Variants in COL4A2 observed in about 807,000 individuals in gnomAD.
COL4A2 encodes collagen type IV alpha 2 chain.
A neutral mutation model predicts 200.2 loss-of-function variants in COL4A2; 99 were observed. The observed-to-expected ratio is 0.49, with a 90% CI of 0.42 to 0.58. The LOEUF (loss-of-function observed/expected upper bound fraction) is 0.58. COL4A2 is among the 20% of genes least tolerant of loss of function. The pLI is 0.00. For synonymous variants in COL4A2, 897 were observed against 900.6 expected (o/e 1.00, Z 0.07); for missense variants, 1,950 against 2,314.1 (o/e 0.84, Z 3.23).
intron 4 of COL4A2, among the ~76,000 whole-genome samples, chr13:110,364,010 G>C (rs2139394958): frequency 6.6e-6 from 1 of 152,314 alleles, no homozygotes. Flanking sequence ...CTCTGTCTTA[G>C]TTCTTTGAAG....
chr13:110,437,903 G>C (rs1159853250), intron 13 of COL4A2, 99 bp from the exon 14 acceptor site: 2 of 951,812 alleles, frequency 2.1e-6, no homozygotes, highest in African/African-American at 3.3e-5. Context: ...TGTGAGGATT[G>C]ATTCAGTACT....
At chr13:110,472,259 GCA>G (rs879499481) in intron 28 of COL4A2, among the ~76,000 whole-genome samples, 43,220 of 151,778 alleles carry the variant, frequency 0.28, 7,096 homozygotes, top group East Asian at 0.41. Flanking sequence ...GGGACTACAG[GCA>G]TCCGCCACCA....
chr13:110,471,003 A>G (rs1348281368), intron 28 of COL4A2, among the ~76,000 whole-genome samples: 11 of 152,096 alleles, frequency 7.2e-5, no homozygotes, highest in Admixed American at 7.2e-4. Context: ...GGAAGTCTCC[A>G]TGCCTCTGCC....
intron 4 of COL4A2, among the ~76,000 whole-genome samples, chr13:110,410,896 G>C (rs1004658175): frequency 7.2e-5 from 11 of 152,142 alleles, no homozygotes; most frequent in African/African-American, 2.7e-4. Flanking sequence ...CTTCTTGACT[G>C]CACGGGGCTC....
At chr13:110,330,611 GTGTCCGA>G (rs1875862689) in intron 3 of COL4A2, among the ~76,000 whole-genome samples, 1 of 152,164 alleles carries the variant, frequency 6.6e-6, no homozygotes, top group Non-Finnish European at 1.5e-5. Context: ...GTTTTTCCAA[GTGTCCGA>G]TGTCTGTCTA....
intron 4 of COL4A2, among the ~76,000 whole-genome samples, chr13:110,404,351 A>G (rs996609360): frequency 2.6e-4 from 40 of 152,206 alleles, no homozygotes; most frequent in African/African-American, 9.4e-4. Flanking sequence ...AATATATTGC[A>G]ATCATTCATA....
intron 31 of COL4A2, among the ~76,000 whole-genome samples, chr13:110,481,617 C>CTT (rs1882922302): frequency 8.5e-6 from 1 of 118,094 alleles, no homozygotes. Flanking sequence ...CTGTTCTGTC[C>CTT]CTCCGTTGCT....
intron 3 of COL4A2, among the ~76,000 whole-genome samples, chr13:110,317,286 A>G (rs1030338853): frequency 2.6e-4 from 39 of 152,098 alleles, no homozygotes; most frequent in African/African-American, 8.9e-4. Context: ...ACAGATGCAC[A>G]CACACACGCA....
chr13:110,455,319 T>C (rs1359508955), intron 20 of COL4A2, among the ~76,000 whole-genome samples: 1 of 152,152 alleles, frequency 6.6e-6, no homozygotes. Context: ...TTTCAGGGCC[T>C]TTTAGAAACC....
intron 3 of COL4A2, among the ~76,000 whole-genome samples, chr13:110,357,033 G>A (rs1877304079): frequency 1.3e-5 from 2 of 152,138 alleles, no homozygotes; most frequent in Non-Finnish European, 2.9e-5. Context: ...CAAAGTGCTG[G>A]GATTCCAGGC....
At chr13:110,359,481 C>A (rs1014371284) in intron 4 of COL4A2, among the ~76,000 whole-genome samples, 1 of 152,200 alleles carries the variant, frequency 6.6e-6, no homozygotes, top group Non-Finnish European at 1.5e-5. Context: ...CTTCGTTTGG[C>A]AAATGCCAGG....
Position 110,330,654 on chromosome 13 carries a change from G to C in COL4A2, c.99+22531G>C, listed in dbSNP as rs374131991. 5.3e-5 allele frequency among the ~76,000 whole-genome samples: 8 copies of C among 152,190 alleles called. No individual in the cohort carries two copies. In the South Asian group the frequency reaches 8.3e-4, roughly 16 times the overall value. ...CCTCTCCTCTTGGAAACGCTTCTCC[G>C]ATCCGCAGGGCACGATGGGGTCCCC... On this transcript the variant is annotated intron_variant, in intron 3 of 47. Coordinates refer to ENST00000360467, the MANE Select transcript of COL4A2 (RefSeq NM_001846.4).
intron 4 of COL4A2, among the ~76,000 whole-genome samples, chr13:110,399,963 G>T (rs777061950): frequency 1.6e-4 from 24 of 152,292 alleles, no homozygotes; most frequent in Non-Finnish European, 2.1e-4. Context: ...AAGGCCAAGA[G>T]AATCTAATGT....
At chr13:110,321,736 T>C (rs556192870) in intron 3 of COL4A2, among the ~76,000 whole-genome samples, 1 of 152,280 alleles carries the variant, frequency 6.6e-6, no homozygotes, top group East Asian at 1.9e-4. Flanking sequence ...AACCTCACAA[T>C]CATGGCAGAA....
intron 4 of COL4A2, among the ~76,000 whole-genome samples, chr13:110,417,995 G>A (rs767562034): frequency 2.0e-5 from 3 of 151,966 alleles, no homozygotes; most frequent in African/African-American, 4.8e-5. Context: ...ACCCTTTTGC[G>A]TTCCTGCCGG....
intron 11 of COL4A2, 103 bp from the exon 12 acceptor site, chr13:110,434,298 T>G: frequency 9.9e-7 from 1 of 1,005,826 alleles, no homozygotes; most frequent in Admixed American, 2.1e-5. Context: ...CTCAGTAAAG[T>G]TGCCGATAAA....
chr13:110,353,963 A>T (rs2139383602), intron 3 of COL4A2, among the ~76,000 whole-genome samples: 1 of 152,332 alleles, frequency 6.6e-6, no homozygotes, highest in Middle Eastern at 3.4e-3. Context: ...TAGTTCCAAA[A>T]GTAAGAATGC....
At chr13:110,309,333 G>C (rs1884907888) in intron 3 of COL4A2, among the ~76,000 whole-genome samples, 1 of 152,180 alleles carries the variant, frequency 6.6e-6, no homozygotes, top group Admixed American at 6.5e-5. Flanking sequence ...TCCAGTTCAG[G>C]TCTGTCTCTT....
chr13:110,463,086 C>T (rs1480488560), intron 24 of COL4A2: 1 of 154,566 alleles, frequency 6.5e-6, no homozygotes, highest in East Asian at 1.9e-4. Flanking sequence ...GACTGGGCAG[C>T]TTAGACATCA....
Sources: gnomAD v4.1 joint callset for allele counts (sites outside exome capture counted in the v4.1 genomes callset) on GRCh38, gnomAD v4.1.1 for gene constraint, MANE v1.5 for transcripts, NCBI Gene and HGNC (gene_info 2026-07-23, HGNC 2026-07-21) for gene names.